RAPH1: variants seen among roughly 807,000 people sequenced by gnomAD.
The protein encoded by RAPH1 is Ras association (RalGDS/AF-6) and pleckstrin homology domains 1.
RAPH1 carries 18 observed loss-of-function variants against 88.1 expected under a neutral mutation model. That is an observed-to-expected ratio of 0.20 (90% CI 0.14 to 0.30). RAPH1 has a LOEUF of 0.30. RAPH1 is among the 10% of genes least tolerant of loss of function. The pLI is 1.00. For synonymous variants in RAPH1, 587 were observed against 559.0 expected (o/e 1.05, Z -0.71); for missense variants, 1,448 against 1,543.2 (o/e 0.94, Z 1.03).
At chr2:203,457,123 A>T (rs1038881059) in intron 8 of RAPH1, among the ~76,000 whole-genome samples, 1 of 152,026 alleles carries the variant, frequency 6.6e-6, no homozygotes, top group African/African-American at 2.4e-5. Flanking sequence ...AATTGTAACT[A>T]CAAATATAGA....
chr2:203,440,901 G>A lies in RAPH1; in HGVS notation c.2289C>T (p.Pro763=). 6.7e-7 allele frequency: 1 copy of A among 1,485,882 alleles called. No homozygotes were observed. Among genetic ancestry groups the A allele is most frequent in the Non-Finnish European group, 9.1e-7 (1 of 1,093,578 alleles). 92.0% of individuals were successfully genotyped at this position (1,485,882 alleles called of 1,614,324 possible). A position where few individuals can be genotyped will look rare whatever the true frequency, so the allele number is the denominator to read the frequency against. ...QHITQVAPPT[P]PPPPPIPAPL... Reference sequence around the variant, plus strand: ...GTGCAGGGATAGGAGGAGGTGGGGGGGGTGTTGGGGGAGCCACCTGAGTAA... The same window carrying A: ...GTGCAGGGATAGGAGGAGGTGGGGGAGGTGTTGGGGGAGCCACCTGAGTAA... Residue 763 remains proline (P), a synonymous_variant, in exon 14 of 14, where the codon CCC becomes CCT. Transcript: ENST00000319170.
chr2:203,454,297 A>C, intron 10 of RAPH1, 133 bp downstream of exon 10: 2 of 615,084 alleles, frequency 3.3e-6, no homozygotes, highest in South Asian at 2.5e-5. Context: ...ACCACACTTC[A>C]CCATTCCTTT....
intron 13 of RAPH1, chr2:203,442,070 C>A: frequency 6.3e-7 from 1 of 1,596,670 alleles, no homozygotes; most frequent in South Asian, 1.1e-5. Context: ...ACATTCTTTA[C>A]ATTTGTTTTA....
intron 8 of RAPH1, among the ~76,000 whole-genome samples, 198 bp from the exon 9 acceptor site, chr2:203,455,778 C>G (rs1030235561): frequency 6.0e-5 from 9 of 150,018 alleles, no homozygotes; most frequent in Non-Finnish European, 1.3e-4. Flanking sequence ...CTTTGGGAAG[C>G]GGGTGGATCA....
At position 203,438,327 on chromosome 2, in the gene RAPH1, C is replaced by T. The variant is rs1443686570; in HGVS notation, c.*1110G>A. Reference sequence around the variant, plus strand: ...AGGGGCCAGTTCTGTTCTCTCATCACCCTTCCCTTCTATAGAGCAATGCTC... The same window carrying T: ...AGGGGCCAGTTCTGTTCTCTCATCATCCTTCCCTTCTATAGAGCAATGCTC... On this transcript the variant is annotated 3_prime_UTR_variant, in exon 14 of 14. Transcript: ENST00000319170. 8 of 369,346 alleles carry T rather than the reference C, an allele frequency of 2.2e-5. No individual in the cohort carries two copies. The East Asian group carries it at 4.5e-4, about 21-fold the overall frequency. The allele number at this position is 369,346 out of a possible 1,614,324, so 22.9% of individuals were successfully genotyped here.
intron 4 of RAPH1, among the ~76,000 whole-genome samples, chr2:203,476,418 A>G (rs1211053877): frequency 1.3e-5 from 2 of 152,128 alleles, no homozygotes; most frequent in East Asian, 3.9e-4. Flanking sequence ...TAATCTGCCC[A>G]CCTCGGCCTC....
intron 13 of RAPH1, chr2:203,443,111 C>A (rs574410775): frequency 6.6e-6 from 1 of 152,268 alleles, no homozygotes; most frequent in East Asian, 1.9e-4. Context: ...AGGGCTTCAG[C>A]CCCACATGGT....
At chr2:203,442,007 G>A in intron 13 of RAPH1, 3 of 1,553,984 alleles carry the variant, frequency 1.9e-6, no homozygotes, top group Non-Finnish European at 2.6e-6. Flanking sequence ...GTGTTGGTGT[G>A]AGACAATTGC....
chr2:203,457,735 T>C (rs964634043), intron 7 of RAPH1, 140 bp from the exon 8 acceptor site: 2 of 700,478 alleles, frequency 2.9e-6, no homozygotes, highest in Non-Finnish European at 5.0e-6. Context: ...TCTGTTGGTA[T>C]AGAGTAGAAT....
At chr2:203,481,749 G>A (rs577683056) in intron 4 of RAPH1, among the ~76,000 whole-genome samples, 7 of 149,344 alleles carry the variant, frequency 4.7e-5, no homozygotes, top group African/African-American at 1.5e-4. Context: ...CTGCCACCAC[G>A]CCAGGATAAT....
rs545924847 is a variant in RAPH1 at position 203,437,974 on chromosome 2, T to C, written c.*1463A>G. The C allele has an allele frequency of 2.9e-6, 1 of 343,342 alleles. No homozygotes were observed. The highest frequency in any genetic ancestry group is 2.2e-5 in the African/African-American group (1 of 46,392). 21.3% of individuals were successfully genotyped at this position (343,342 alleles called of 1,614,324 possible). On this transcript the variant is annotated 3_prime_UTR_variant, in exon 14 of 14. Coordinates refer to ENST00000319170, the MANE Select transcript of RAPH1 (RefSeq NM_213589.3). ...AATAGTCCAATTTATCATAAGTTGA[T>C]GAGAGTACTTATTTCTCTCATGTAC...
chr2:203,438,211 C>T lies in RAPH1; in HGVS notation c.*1226G>A, dbSNP rs2098500036. ...GTAGCCCCAGTAGCTATAAATGAAA[C>T]TGTCTTCCCTCTCCATGTAGTCCCA... is the stretch of plus-strand genomic sequence containing the variant. On this transcript the variant is annotated 3_prime_UTR_variant, in exon 14 of 14. Coordinates refer to ENST00000319170, the MANE Select transcript of RAPH1 (RefSeq NM_213589.3). 1 of 517,884 alleles carries T rather than the reference C, an allele frequency of 1.9e-6. No individual in the cohort carries two copies. The highest frequency in any genetic ancestry group is 1.9e-5 in the African/African-American group (1 of 51,960). 32.1% of individuals were successfully genotyped at this position (517,884 alleles called of 1,614,324 possible). A position where few individuals can be genotyped will look rare whatever the true frequency, so the allele number is the denominator to read the frequency against.
At chr2:203,464,744 C>T (rs929501207) in intron 4 of RAPH1, among the ~76,000 whole-genome samples, 3 of 151,434 alleles carry the variant, frequency 2.0e-5, no homozygotes, top group East Asian at 1.9e-4. Context: ...TTGCAAAAGA[C>T]GTATCTGATA....
chr2:203,465,429 G>GA (rs1184485707), intron 4 of RAPH1, among the ~76,000 whole-genome samples: 1 of 152,196 alleles, frequency 6.6e-6, no homozygotes, highest in African/African-American at 2.4e-5. Context: ...CATGACACTG[G>GA]AAAAGCCAAA....
intron 3 of RAPH1, among the ~76,000 whole-genome samples, 200 bp from the exon 4 acceptor site, chr2:203,490,289 AGAG>A (rs993264358): frequency 6.6e-6 from 1 of 152,234 alleles, no homozygotes; most frequent in African/African-American, 2.4e-5. Context: ...TGTAATAATC[AGAG>A]GAGAATAAAT....
chr2:203,510,225 G>A (rs1038943085), intron 1 of RAPH1, among the ~76,000 whole-genome samples: 1 of 150,324 alleles, frequency 6.7e-6, no homozygotes, highest in Non-Finnish European at 1.5e-5. Context: ...AATCCCAGCT[G>A]CTCAGGAGGC....
intron 1 of RAPH1, among the ~76,000 whole-genome samples, chr2:203,519,733 A>G (rs1689779907): frequency 6.6e-6 from 1 of 152,190 alleles, no homozygotes; most frequent in Non-Finnish European, 1.5e-5. Context: ...CAAAAATTAA[A>G]TATGTTCCCC....
Position 203,489,569 on chromosome 2 carries a change from G to A in RAPH1, c.732+15C>T, listed in dbSNP as rs756051285. 1 of 1,442,516 alleles carries A rather than the reference G, an allele frequency of 6.9e-7. No individual in the cohort carries two copies. The allele number at this position is 1,442,516 out of a possible 1,614,324, so 89.4% of individuals were successfully genotyped here. On this transcript the variant is annotated intron_variant, in intron 4 of 13. Transcript: ENST00000319170. Reference sequence around the variant, plus strand: ...TTAATAACAAAATACCAGGGAAAAAGTTCCATTTATTTACCTCAGTAATTG... The same window carrying A: ...TTAATAACAAAATACCAGGGAAAAAATTCCATTTATTTACCTCAGTAATTG...
intron 1 of RAPH1, among the ~76,000 whole-genome samples, chr2:203,517,359 C>CAAAAAAAAAAAA (rs71408943): frequency 2.8e-4 from 9 of 32,146 alleles, no homozygotes; most frequent in East Asian, 1.1e-3. Context: ...CTATGAGAGG[C>CAAAAAAAAAAAA]AAAAAAAAAA....
Sources: allele counts gnomAD v4.1 joint callset (sites outside exome capture counted in the v4.1 genomes callset), GRCh38; gene constraint gnomAD v4.1.1; transcripts MANE v1.5; gene names NCBI Gene and HGNC (gene_info 2026-07-23, HGNC 2026-07-21).